Variants in TPST2 observed in about 807,000 individuals in gnomAD.
TPST2 encodes the protein tyrosylprotein sulfotransferase 2, also known as protein-tyrosine sulfotransferase 2.
A neutral mutation model predicts 27.8 loss-of-function variants in TPST2; 16 were observed. The observed-to-expected ratio is 0.58, with a 90% confidence interval of 0.39 to 0.88. The LOEUF is 0.88. Ranked by LOEUF, TPST2 falls within the 40% of genes least tolerant of loss-of-function variation. The probability of loss-of-function intolerance (pLI) is 0.00; values close to 1 mark genes in which losing one functional copy is unlikely to be tolerated. For missense variants in TPST2, 464 were observed against 543.1 expected, an observed-to-expected ratio of 0.85 and a Z score of 1.45; for synonymous variants, 229 against 231.7, an observed-to-expected ratio of 0.99 and a Z score of 0.10.
chr22:26,536,987 A>C (rs565866752), intron 3 of TPST2, among the ~76,000 whole-genome samples: 15 of 152,222 alleles, frequency 9.9e-5, no homozygotes, highest in African/African-American at 2.6e-4. Context: ...GAGGTTGAAG[A>C]AGCAGTGAGC....
chr22:26,572,738 AGTGCTCACGGGCTGG>A (rs1340732195), intron 1 of TPST2, among the ~76,000 whole-genome samples: 2 of 151,906 alleles, frequency 1.3e-5, no homozygotes, highest in Non-Finnish European at 1.5e-5. Context: ...TTCCACTGTG[AGTGCTCACGGGCTGG>A]GAGGCATTGC....
intron 5 of TPST2, 84 bp downstream of exon 5, chr22:26,532,611 G>A (rs1166611145): frequency 1.4e-6 from 2 of 1,391,776 alleles, no homozygotes; most frequent in East Asian, 2.3e-5. Context: ...CCAGAGTGGA[G>A]AAGTGACACA....
intron 1 of TPST2, among the ~76,000 whole-genome samples, chr22:26,575,933 T>G (rs1221013108): frequency 6.6e-6 from 1 of 151,720 alleles, no homozygotes; most frequent in African/African-American, 2.4e-5. Context: ...GAGGCGGAGG[T>G]TGCAGTGAGC....
intron 1 of TPST2, among the ~76,000 whole-genome samples, chr22:26,569,531 C>A (rs187547060): frequency 6.6e-6 from 1 of 152,184 alleles, no homozygotes; most frequent in African/African-American, 2.4e-5. Context: ...GTGGCTCACA[C>A]CAACACTTTG....
chr22:26,567,666 C>T (rs1379481574), intron 1 of TPST2, among the ~76,000 whole-genome samples: 1 of 152,162 alleles, frequency 6.6e-6, no homozygotes, highest in Non-Finnish European at 1.5e-5. Context: ...TATAATACAT[C>T]TCAAACAAAT....
intron 1 of TPST2, among the ~76,000 whole-genome samples, chr22:26,553,369 GT>G (rs34711379): frequency 0.33 from 47,789 of 143,552 alleles, 7,737 homozygotes; most frequent in African/African-American, 0.35. Context: ...ATGCCTGGCA[GT>G]TTTTTTTTTT....
intron 1 of TPST2, among the ~76,000 whole-genome samples, chr22:26,586,033 A>T (rs886625870): frequency 6.6e-6 from 1 of 152,016 alleles, no homozygotes; most frequent in African/African-American, 2.4e-5. Context: ...ACACAGCGAA[A>T]CTCCGTCTCA....
At chr22:26,551,564 T>A (rs939910054) in intron 1 of TPST2, among the ~76,000 whole-genome samples, 1 of 152,164 alleles carries the variant, frequency 6.6e-6, no homozygotes, top group Non-Finnish European at 1.5e-5. Flanking sequence ...GCTTTGCATT[T>A]TTTTTTACCT....
chr22:26,557,976 G>A (rs995279092), intron 1 of TPST2, among the ~76,000 whole-genome samples: 2 of 150,808 alleles, frequency 1.3e-5, no homozygotes, highest in Admixed American at 6.6e-5. Flanking sequence ...GAGCCCAGGA[G>A]GTCAAGACTG....
chr22:26,535,591 C>T (rs1925408545), intron 4 of TPST2, among the ~76,000 whole-genome samples: 1 of 152,188 alleles, frequency 6.6e-6, no homozygotes, highest in Non-Finnish European at 1.5e-5. Flanking sequence ...CCAGCCTGGG[C>T]AACGTAGCGA....
chr22:26,536,299 T>A lies in TPST2; in HGVS notation c.1030A>T (p.Asn344Tyr), dbSNP rs897997510. 1 of 1,614,132 alleles carries A rather than the reference T, an allele frequency of 6.2e-7. No individual in the cohort carries two copies. The highest frequency in any genetic ancestry group is 8.5e-7 in the Non-Finnish European group (1 of 1,180,034). ...YGNPDPFVIN[N>Y]TQRVLKGDYK... Reference sequence around the variant, plus strand: ...AGGTGCACACTCACCCGCTGTGTGTTGTTGATGACGAAGGGGTCAGGGTTG... The same window carrying A: ...AGGTGCACACTCACCCGCTGTGTGTAGTTGATGACGAAGGGGTCAGGGTTG... Residue 344 changes from asparagine to tyrosine, a missense_variant, in exon 4 of 7, where the codon AAC (asparagine) becomes TAC (tyrosine). Coordinates refer to ENST00000338754, the MANE Select transcript of TPST2 (RefSeq NM_003595.5).
At chr22:26,531,484 A>G (rs1427249507) in intron 5 of TPST2, among the ~76,000 whole-genome samples, 3 of 152,246 alleles carry the variant, frequency 2.0e-5, no homozygotes, top group African/African-American at 7.2e-5. Context: ...GCAAAAGTGC[A>G]TACGCACTCC....
At chr22:26,579,596 G>C (rs748611596) in intron 1 of TPST2, among the ~76,000 whole-genome samples, 2 of 152,214 alleles carry the variant, frequency 1.3e-5, no homozygotes, top group Admixed American at 1.3e-4. Flanking sequence ...CTGAGCCCCC[G>C]GGCTCTGCAA....
At position 26,540,706 on chromosome 22, in the gene TPST2, AG is replaced by A. The variant is rs1925743121; in HGVS notation, c.842+82del. On this transcript the variant is annotated intron_variant, in intron 3 of 6. Coordinates refer to ENST00000338754, the MANE Select transcript of TPST2 (RefSeq NM_003595.5). ...GACTTGCCCAAGGCCACACAGCTCAAGAAAGGCAGTGCTGATTTTCTTGCCT... is the reference window on the plus strand; with the variant it reads ...GACTTGCCCAAGGCCACACAGCTCAAAAAGGCAGTGCTGATTTTCTTGCCT... The A allele has an allele frequency of 3.7e-6, 5 of 1,354,332 alleles. No homozygotes were observed. In the East Asian group the frequency reaches 1.2e-4, roughly 33 times the overall value. The allele number at this position is 1,354,332 out of a possible 1,614,324, so 83.9% of individuals were successfully genotyped here. A position where few individuals can be genotyped will look rare whatever the true frequency, so the allele number is the denominator to read the frequency against.
chr22:26,530,484 T>C (rs1925090628), intron 5 of TPST2, among the ~76,000 whole-genome samples: 1 of 152,104 alleles, frequency 6.6e-6, no homozygotes, highest in South Asian at 2.1e-4. Flanking sequence ...GCCTCTCTTC[T>C]GTTGGGTACT....
At chr22:26,584,538 C>A (rs548122643) in intron 1 of TPST2, among the ~76,000 whole-genome samples, 5 of 151,910 alleles carry the variant, frequency 3.3e-5, no homozygotes, top group Non-Finnish European at 5.9e-5. Context: ...TGGTGGCTCA[C>A]GCCTGTAACC....
chr22:26,550,030 A>T (rs1926379044), intron 1 of TPST2, among the ~76,000 whole-genome samples: 1 of 129,208 alleles, frequency 7.7e-6, no homozygotes, highest in Non-Finnish European at 1.7e-5. Flanking sequence ...ATGGAGCAAG[A>T]CTCCATCTCA....
intron 1 of TPST2, among the ~76,000 whole-genome samples, chr22:26,546,233 C>G (rs1926116196): frequency 6.6e-6 from 1 of 152,146 alleles, no homozygotes; most frequent in African/African-American, 2.4e-5. Flanking sequence ...CCTGAAATAT[C>G]AGGCCAATTA....
intron 1 of TPST2, among the ~76,000 whole-genome samples, chr22:26,583,784 G>A (rs7290727): frequency 0.19 from 28,639 of 151,976 alleles, 2,803 homozygotes; most frequent in Middle Eastern, 0.21. Flanking sequence ...AGGTTGCAAG[G>A]AACCAAGATC....
Sources: allele counts gnomAD v4.1 joint callset (sites outside exome capture counted in the v4.1 genomes callset), GRCh38; gene constraint gnomAD v4.1.1; transcripts MANE v1.5; gene names NCBI Gene and HGNC (gene_info 2026-07-23, HGNC 2026-07-21).